Variants in SEMA6D observed in about 807,000 individuals in gnomAD.
SEMA6D encodes the protein semaphorin 6D.
SEMA6D carries 35 observed loss-of-function variants against 106.6 expected under a neutral mutation model. The ratio of observed to expected loss-of-function variants is 0.33; its 90% CI spans 0.25 to 0.44. SEMA6D has a LOEUF of 0.44. Among genes scored for constraint, SEMA6D ranks in the 20% least tolerant of loss-of-function variants. The pLI, the probability that SEMA6D is intolerant of heterozygous loss-of-function variation, is 1.00. For synonymous variants in SEMA6D, 499 were observed against 487.7 expected, an observed-to-expected ratio of 1.02 and a Z score of -0.31; for missense variants, 1,185 against 1,345.9, an observed-to-expected ratio of 0.88 and a Z score of 1.87.
At chr15:47,646,433 T>A (rs1313985813) in intron 4 of SEMA6D, among the ~76,000 whole-genome samples, 1 of 152,186 alleles carries the variant, frequency 6.6e-6, no homozygotes. Context: ...TCTCCATTTT[T>A]AAATAAGAAA....
chr15:47,393,892 C>CATGTTAT (rs1466578456), intron 1 of SEMA6D, among the ~76,000 whole-genome samples: 3 of 152,252 alleles, frequency 2.0e-5, no homozygotes, highest in Admixed American at 6.5e-5. Context: ...TCCGCACTGG[C>CATGTTAT]ATGTTATATA....
chr15:47,564,632 A>G (rs558986207), intron 3 of SEMA6D, among the ~76,000 whole-genome samples: 1 of 152,294 alleles, frequency 6.6e-6, no homozygotes, highest in Non-Finnish European at 1.5e-5. Flanking sequence ...TAGCCTAGAT[A>G]CTGATAGGGA....
Position 47,727,314 on chromosome 15 carries a change from C to T in SEMA6D, c.-55+9622C>T, listed in dbSNP as rs534206851. 2.8e-4 allele frequency among the ~76,000 whole-genome samples: 42 copies of T among 152,248 alleles called. No individual in the cohort carries two copies. In the South Asian group the frequency reaches 7.3e-3, roughly 26 times the overall value. On this transcript the variant is annotated intron_variant, in intron 1 of 18. Coordinates refer to ENST00000536845, the MANE Select transcript of SEMA6D (RefSeq NM_001358351.3). ...AGCTCCAACATCAATGGGTCTGTTT[C>T]GCTGCGTCTGGAATGAAGCCCAGTA...
chr15:47,272,413 C>T (rs1050564173), intron 1 of SEMA6D, among the ~76,000 whole-genome samples: 1 of 151,728 alleles, frequency 6.6e-6, no homozygotes, highest in Non-Finnish European at 1.5e-5. Context: ...TCTGATCACT[C>T]AGAAGAGTGT....
At chr15:47,505,963 A>G (rs2044023744) in intron 3 of SEMA6D, among the ~76,000 whole-genome samples, 1 of 152,078 alleles carries the variant, frequency 6.6e-6, no homozygotes, top group South Asian at 2.1e-4. Flanking sequence ...GAAGGTGTGG[A>G]GAAGTCAGGG....
At chr15:47,229,034 C>T (rs1008152334) in intron 1 of SEMA6D, among the ~76,000 whole-genome samples, 2 of 151,968 alleles carry the variant, frequency 1.3e-5, no homozygotes, top group African/African-American at 4.8e-5. Context: ...TGTTACTTTA[C>T]ACCTAGGAAA....
intron 2 of SEMA6D, among the ~76,000 whole-genome samples, chr15:47,426,258 G>T (rs281229): frequency 0.032 from 4,831 of 152,092 alleles, 303 homozygotes; most frequent in African/African-American, 0.11. Flanking sequence ...TCTTGCCTTA[G>T]CTTCATGTGG....
At chr15:47,597,310 A>G (rs2076556358) in intron 3 of SEMA6D, among the ~76,000 whole-genome samples, 3 of 152,112 alleles carry the variant, frequency 2.0e-5, no homozygotes, top group South Asian at 2.1e-4. Context: ...AACTGTGGAC[A>G]TTCCTCAAAA....
chr15:47,527,256 A>T (rs1308896825), intron 3 of SEMA6D, among the ~76,000 whole-genome samples: 1 of 152,204 alleles, frequency 6.6e-6, no homozygotes, highest in Non-Finnish European at 1.5e-5. Context: ...CACACTAAAT[A>T]TATACATTTA....
intron 1 of SEMA6D, among the ~76,000 whole-genome samples, chr15:47,306,870 T>C (rs2036254617): frequency 6.6e-6 from 1 of 152,242 alleles, no homozygotes; most frequent in Non-Finnish European, 1.5e-5. Context: ...ACTCTTCAAC[T>C]CAATATAGGT....
chr15:47,693,199 A>G (rs778059309), intron 4 of SEMA6D, among the ~76,000 whole-genome samples: 8 of 152,172 alleles, frequency 5.3e-5, no homozygotes, highest in Non-Finnish European at 1.2e-4. Flanking sequence ...ACAGAGACAC[A>G]CACAGGGAAA....
At chr15:47,495,189 G>C (rs2043611905) in intron 3 of SEMA6D, among the ~76,000 whole-genome samples, 2 of 151,816 alleles carry the variant, frequency 1.3e-5, no homozygotes, top group Non-Finnish European at 2.9e-5. Flanking sequence ...CATGATTAAA[G>C]AAACTCTATA....
chr15:47,671,955 A>G (rs2078145989), intron 4 of SEMA6D, among the ~76,000 whole-genome samples: 1 of 152,236 alleles, frequency 6.6e-6, no homozygotes, highest in South Asian at 2.1e-4. Flanking sequence ...AGCATGCCAA[A>G]TAGTCTGCTA....
At chr15:47,534,044 A>G (rs945508414) in intron 3 of SEMA6D, among the ~76,000 whole-genome samples, 12 of 152,182 alleles carry the variant, frequency 7.9e-5, no homozygotes, top group African/African-American at 2.9e-4. Context: ...TATGAAATCA[A>G]CCCAGAGTTA....
Position 47,771,272 on chromosome 15 carries a change from A to C in SEMA6D, c.2709A>C (p.Ala903=). Residue 903 remains alanine (A), a synonymous_variant, in exon 19 of 19, where the codon GCA becomes GCC. Coordinates refer to ENST00000536845, the MANE Select transcript of SEMA6D (RefSeq NM_001358351.3). ...CCATCATGGGAGACATCCAGATGGCACACCAGAACTTAATGCTGGATCCCA... is the reference window on the plus strand; with the variant it reads ...CCATCATGGGAGACATCCAGATGGCCCACCAGAACTTAATGCTGGATCCCA... ...PKAIMGDIQM[A]HQNLMLDPMG... is the part of the protein sequence containing the mutation. 2.5e-6 allele frequency: 4 copies of C among 1,614,098 alleles called. No individual in the cohort carries two copies. The highest frequency in any genetic ancestry group is 3.4e-6 in the Non-Finnish European group (4 of 1,180,000).
At position 47,226,367 on chromosome 15, in the gene SEMA6D, C is replaced by T. The variant is rs117710324; in HGVS notation, c.-239+41949C>T. Among the ~76,000 whole-genome samples the T allele has an allele frequency of 5.3e-3, 805 of 152,058 alleles. 32 individuals are homozygous for T. The East Asian group carries it at 0.088, about 17-fold the overall frequency. On this transcript the variant is annotated intron_variant, in intron 1 of 19. Transcript: ENST00000558014. The stretch of plus-strand genomic sequence containing the variant: ...GTTTGTGGTACTTTGTTATGGAAGA[C>T]CTAGAAAACTAATGCAATTATCTAT...
chr15:47,513,433 A>G (rs1039124106), intron 3 of SEMA6D, among the ~76,000 whole-genome samples: 2 of 152,150 alleles, frequency 1.3e-5, no homozygotes, highest in Non-Finnish European at 2.9e-5. Flanking sequence ...AACCATCTCT[A>G]GTCCTAAATA....
chr15:47,727,366 G>A (rs2079824881), intron 1 of SEMA6D, among the ~76,000 whole-genome samples: 1 of 152,176 alleles, frequency 6.6e-6, no homozygotes, highest in African/African-American at 2.4e-5. Flanking sequence ...AACACTTCAG[G>A]TAACTTGTGC....
rs961756260 is a variant in SEMA6D at position 47,680,811 on chromosome 15, A to G, written c.-54-78934A>G. Among the ~76,000 whole-genome samples the G allele has an allele frequency of 4.4e-4, 67 of 152,270 alleles. 1 individual carries two copies. Among genetic ancestry groups the G allele is most frequent in the Non-Finnish European group, 2.5e-4 (17 of 68,054 alleles). Reference sequence around the variant, plus strand: ...ATAGACATTTCACCAAAGAAGACATACAAATGACCAACAGGTCTATAGAAA... The same window carrying G: ...ATAGACATTTCACCAAAGAAGACATGCAAATGACCAACAGGTCTATAGAAA... On this transcript the variant is annotated intron_variant, in intron 4 of 19. Transcript: ENST00000558014.
Sources: gnomAD v4.1 joint callset for allele counts (sites outside exome capture counted in the v4.1 genomes callset) on GRCh38, gnomAD v4.1.1 for gene constraint, MANE v1.5 for transcripts, NCBI Gene and HGNC (gene_info 2026-07-23, HGNC 2026-07-21) for gene names.